The following RFC1 variants were observed in gnomAD, a reference collection of about 807,000 sequenced individuals.
RFC1 encodes the protein A1 140 kDa subunit.
RFC1 carries 37 observed loss-of-function variants against 137.4 expected under a neutral mutation model. The observed-to-expected ratio is 0.27, with a 90% CI of 0.21 to 0.35. The LOEUF (loss-of-function observed/expected upper bound fraction) is 0.35, where lower values mean the gene tolerates loss of function less well. Among genes scored for constraint, RFC1 ranks in the 10% least tolerant of loss-of-function variants. The pLI, the probability that RFC1 is intolerant of heterozygous loss-of-function variation, is 1.00. For synonymous variants in RFC1, 429 were observed against 455.7 expected (o/e 0.94, Z 0.75); for missense variants, 1,205 against 1,358.5 (o/e 0.89, Z 1.78).
At chr4:39,320,937 G>A (rs980936130) in intron 8 of RFC1, among the ~76,000 whole-genome samples, 4 of 152,140 alleles carry the variant, frequency 2.6e-5, no homozygotes, top group African/African-American at 9.7e-5. Context: ...AAGATGACCT[G>A]GCCAACTATG....
At chr4:39,359,330 T>C (rs908186506) in intron 1 of RFC1, among the ~76,000 whole-genome samples, 2 of 152,090 alleles carry the variant, frequency 1.3e-5, no homozygotes, top group African/African-American at 4.8e-5. Context: ...AATCAACAAG[T>C]AGATAAAGAA....
intron 1 of RFC1, among the ~76,000 whole-genome samples, chr4:39,353,587 C>T (rs1402556734): frequency 6.6e-6 from 1 of 151,832 alleles, no homozygotes; most frequent in East Asian, 1.9e-4. Context: ...AGGAGAAGAA[C>T]AATAAAGAAA....
At chr4:39,344,045 C>CA (rs1230385578) in intron 3 of RFC1, among the ~76,000 whole-genome samples, 2 of 151,008 alleles carry the variant, frequency 1.3e-5, no homozygotes, top group Admixed American at 6.6e-5. Flanking sequence ...ACCCAGGAGA[C>CA]AGAGGTTACA....
chr4:39,358,320 T>TA (rs1232723025), intron 1 of RFC1, among the ~76,000 whole-genome samples: 1 of 152,066 alleles, frequency 6.6e-6, no homozygotes, highest in Non-Finnish European at 1.5e-5. Context: ...TACAACATAA[T>TA]AAAATAACTG....
At position 39,300,351 on chromosome 4, in the gene RFC1, C is replaced by A. The variant is rs150822138; in HGVS notation, c.2599G>T (p.Val867Leu). The A allele has an allele frequency of 1.3e-5, 21 of 1,613,890 alleles. No homozygotes were observed. The highest frequency in any genetic ancestry group is 1.2e-4 in the Admixed American group (7 of 60,010). ...AGEETAHMSL[V>L]DKSDLFFHDY... ...TGAAAAAAGAGATCTGACTTGTCCA[C>A]AAGTGACATGTGAGCAGTCTCCTCT... is the stretch of plus-strand genomic sequence containing the variant. Residue 867 changes from valine to leucine, a missense_variant, in exon 20 of 25, where the codon GTG (valine) becomes TTG (leucine). By Grantham distance (32) the Val-to-Leu change is conservative (BLOSUM62 1). This residue lies in a region of RFC1 where 962 missense variants were observed against 1,035.3 expected (regional missense o/e 0.93). Transcript: ENST00000349703.
intron 1 of RFC1, among the ~76,000 whole-genome samples, chr4:39,357,578 G>A (rs1450824569): frequency 2.0e-5 from 3 of 151,402 alleles, no homozygotes; most frequent in Non-Finnish European, 4.4e-5. Context: ...CAGGGCTAAT[G>A]TACTCCGATT....
chr4:39,289,815 T>C, intron 24 of RFC1, 33 bp downstream of exon 24: 1 of 1,432,686 alleles, frequency 7.0e-7, no homozygotes, highest in Non-Finnish European at 9.9e-7. Context: ...TCATCTATTT[T>C]GAGGTTCTCC....
intron 1 of RFC1, among the ~76,000 whole-genome samples, chr4:39,352,660 C>T (rs1038056169): frequency 1.3e-5 from 2 of 152,146 alleles, no homozygotes; most frequent in African/African-American, 4.8e-5. Flanking sequence ...ACAATTCTGG[C>T]CCAGTAAAAA....
At chr4:39,355,565 A>G (rs78927207) in intron 1 of RFC1, among the ~76,000 whole-genome samples, 2 of 144,430 alleles carry the variant, frequency 1.4e-5, no homozygotes, top group African/African-American at 4.9e-5. Context: ...CAACACACAT[A>G]AAAAATGCTA....
rs1304775320 is a variant in RFC1, at chr4:39,302,743, C to A, written c.2334G>T (p.Gln778His). Residue 778 changes from glutamine to histidine, a missense_variant, in exon 17 of 25, where the codon CAG (glutamine) becomes CAT (histidine). Physicochemically the swap from Gln to His is conservative, Grantham distance 24. This residue lies in a region of RFC1 where 962 missense variants were observed against 1,035.3 expected (regional missense o/e 0.93). Transcript: ENST00000349703. ...AAAATTTCAATCATCATACCTTAAT[C>A]TGTTCAACCCGAGGTCTTTGAAAAC... ...DLRFQRPRVE[Q>H]IKGAMMSIAF... 6.3e-7 allele frequency: 1 copy of A among 1,579,696 alleles called. No homozygotes were observed. Among genetic ancestry groups the A allele is most frequent in the African/African-American group, 1.4e-5 (1 of 72,862 alleles).
rs1428330051 is a variant in RFC1, at chr4:39,351,141, C to T, written c.132+207G>A. ...TGGCGGGCGCCTGTAGTCCCAGCTACTCGGGAGACTGAGGCAGGAGAATGG... is the reference window on the plus strand; with the variant it reads ...TGGCGGGCGCCTGTAGTCCCAGCTATTCGGGAGACTGAGGCAGGAGAATGG... On this transcript the variant is annotated intron_variant, in intron 2 of 24. Coordinates refer to ENST00000349703, the MANE Select transcript of RFC1 (RefSeq NM_002913.5). Among the ~76,000 whole-genome samples, 4 of 151,360 alleles carry T rather than the reference C, an allele frequency of 2.6e-5. 1 individual carries two copies. The South Asian group carries it at 6.3e-4, about 24-fold the overall frequency.
At chr4:39,351,874 A>G (rs563918844) in intron 1 of RFC1, among the ~76,000 whole-genome samples, 1 of 151,890 alleles carries the variant, frequency 6.6e-6, no homozygotes, top group Admixed American at 6.6e-5. Flanking sequence ...GAGGCAGGAG[A>G]ATTGCTTGAA....
intron 1 of RFC1, among the ~76,000 whole-genome samples, chr4:39,360,877 AAAGT>A (rs1403068381): frequency 1.3e-5 from 2 of 152,236 alleles, no homozygotes; most frequent in Non-Finnish European, 2.9e-5. Context: ...CTCTATTTTG[AAAGT>A]AATAAAGAAA....
chr4:39,295,862 G>A, intron 21 of RFC1, 103 bp from the exon 22 acceptor site: 1 of 1,048,832 alleles, frequency 9.5e-7, no homozygotes, highest in Non-Finnish European at 1.4e-6. Context: ...AAGCAACACT[G>A]TACCAAATAC....
chr4:39,360,196 T>C (rs1741682258), intron 1 of RFC1, among the ~76,000 whole-genome samples: 1 of 151,684 alleles, frequency 6.6e-6, no homozygotes, highest in African/African-American at 2.4e-5. Context: ...TGAAACCCCA[T>C]CACTACTAAA....
intron 2 of RFC1, among the ~76,000 whole-genome samples, chr4:39,346,644 A>ATT (rs1740875897): frequency 6.6e-6 from 1 of 152,244 alleles, no homozygotes; most frequent in South Asian, 2.1e-4. Flanking sequence ...AACTATTTCT[A>ATT]TCCATTATAA....
At chr4:39,316,887 G>T in intron 10 of RFC1, 28 bp downstream of exon 10, 2 of 1,425,030 alleles carry the variant, frequency 1.4e-6, no homozygotes, top group Non-Finnish European at 9.9e-7. Flanking sequence ...GGCCCTCACA[G>T]AATGGCATGC....
At chr4:39,355,563 A>AT (rs36052389) in intron 1 of RFC1, among the ~76,000 whole-genome samples, 57,306 of 152,124 alleles carry the variant, frequency 0.38, 12,946 homozygotes, top group East Asian at 0.58. Flanking sequence ...GCCAACACAC[A>AT]TAAAAAATGC....
rs1238024403 is a variant in RFC1 at position 39,302,785 on chromosome 4, A to G, written c.2292T>C (p.His764=). The stretch of plus-strand genomic sequence containing the variant: ...TTTGAAAACGAAGATCAAAACAATA[A>G]TGAACCAGAGAGCGAATCTTGGGAT... The part of the protein sequence containing the change: ...RNHPKIRSLV[H]YCFDLRFQRP... The change falls in exon 17 of 25, where the codon CAT becomes CAC. Residue 764 remains histidine (H), a synonymous_variant. Transcript: ENST00000349703. 1 of 1,603,808 alleles carries G rather than the reference A, an allele frequency of 6.2e-7. No individual in the cohort carries two copies.
Sources: allele counts gnomAD v4.1 joint callset (sites outside exome capture counted in the v4.1 genomes callset), GRCh38; gene constraint gnomAD v4.1.1; regional missense constraint gnomAD v4.1.1; transcripts MANE v1.5; gene names NCBI Gene and HGNC (gene_info 2026-07-23, HGNC 2026-07-21).